Variants in GABBR2 observed in about 807,000 individuals in gnomAD.
GABBR2 encodes gamma-aminobutyric acid type B receptor subunit 2, also known as G-protein coupled receptor 51.
A neutral mutation model predicts 105.6 loss-of-function variants in GABBR2; 23 were observed. That is an observed-to-expected ratio of 0.22 (90% CI 0.16 to 0.31). The LOEUF is 0.31. Among genes scored for constraint, GABBR2 ranks in the 10% least tolerant of loss-of-function variants. The pLI is 1.00. For synonymous variants in GABBR2, 478 were observed against 499.7 expected, an observed-to-expected ratio of 0.96 and a Z score of 0.58; for missense variants, 734 against 1,245.5, an observed-to-expected ratio of 0.59 and a Z score of 6.18.
intron 1 of GABBR2, among the ~76,000 whole-genome samples, chr9:98,638,772 A>G (rs537481970): frequency 6.6e-6 from 1 of 152,266 alleles, no homozygotes. Context: ...AAAGGTAATC[A>G]CCCCAGCACC....
chr9:98,327,672 C>G (rs1327849336), intron 13 of GABBR2, among the ~76,000 whole-genome samples: 2 of 151,890 alleles, frequency 1.3e-5, no homozygotes, highest in Non-Finnish European at 2.9e-5. Context: ...AGTTTGAGAC[C>G]AGCCTGGTCA....
In GABBR2 at chr9:98,454,896, C is replaced by T. The variant is rs1416678035; in HGVS notation, c.1000-679G>A. Among the ~76,000 whole-genome samples the T allele has an allele frequency of 6.6e-6, 1 of 152,218 alleles. No individual in the cohort carries two copies. Among genetic ancestry groups the T allele is most frequent in the Non-Finnish European group, 1.5e-5 (1 of 68,048 alleles). On this transcript the variant is annotated intron_variant, in intron 6 of 18. Coordinates refer to ENST00000259455, the MANE Select transcript of GABBR2 (RefSeq NM_005458.8). The surrounding 1 kb of genome is among the most constrained non-coding windows in gnomAD (Gnocchi z 4.6). ...TACCCTCAAGAACTGGGGCAAGAGG[C>T]TCCCTAGACCCTGGAAGTGGCTCCA...
In GABBR2 at chr9:98,291,074, A is replaced by C. The variant is rs115100060; in HGVS notation, c.2661-325T>G. 1.2e-3 allele frequency among the ~76,000 whole-genome samples: 190 copies of C among 152,270 alleles called. 1 individual carries two copies. Among genetic ancestry groups the C allele is most frequent in the African/African-American group, 4.2e-3 (174 of 41,550 alleles). On this transcript the variant is annotated intron_variant, in intron 18 of 18. Coordinates refer to ENST00000259455, the MANE Select transcript of GABBR2 (RefSeq NM_005458.8). ...GCTCCTTGACTTACGATGGGGTTAC[A>C]TTCCCATAAACCCATTGTAAGTTGA...
chr9:98,404,656 AG>A (rs1229899118), intron 8 of GABBR2, among the ~76,000 whole-genome samples: 2 of 152,100 alleles, frequency 1.3e-5, no homozygotes, highest in African/African-American at 4.8e-5. Context: ...GTCTGCCTCA[AG>A]GAATGCCCAG....
intron 15 of GABBR2, among the ~76,000 whole-genome samples, chr9:98,305,789 C>T (rs1360811451): frequency 1.3e-5 from 2 of 150,960 alleles, no homozygotes; most frequent in African/African-American, 4.9e-5. Flanking sequence ...TGCACTCCAG[C>T]CTGGGTGGCA....
chr9:98,473,080 A>G (rs1826717048), intron 6 of GABBR2, 66 bp downstream of exon 6: 7 of 1,226,854 alleles, frequency 5.7e-6, no homozygotes, highest in Non-Finnish European at 7.2e-6. Flanking sequence ...CTTTTGGCCA[A>G]TGTCATCAGA....
chr9:98,696,457 G>A (rs1485881717), intron 1 of GABBR2, among the ~76,000 whole-genome samples: 2 of 152,170 alleles, frequency 1.3e-5, no homozygotes, highest in Admixed American at 6.5e-5. Flanking sequence ...CTGGGAGGCC[G>A]CTGGACTGGT....
rs1387011210 is a variant in GABBR2, at chr9:98,342,717, G to A, written c.1893+19998C>T. 5.3e-5 allele frequency among the ~76,000 whole-genome samples: 8 copies of A among 152,356 alleles called. No individual in the cohort carries two copies. In the South Asian group the frequency reaches 6.2e-4, roughly 12 times the overall value. On this transcript the variant is annotated intron_variant, in intron 13 of 18. Transcript: ENST00000259455. ...CTGTTCAGGGCTGATGGCTCCAGCA[G>A]TGAGGACCCATCACTTGGAGTGTGA...
At chr9:98,563,140 T>A (rs1828700398) in intron 2 of GABBR2, among the ~76,000 whole-genome samples, 1 of 151,020 alleles carries the variant, frequency 6.6e-6, no homozygotes, top group South Asian at 2.1e-4. Flanking sequence ...GTCTCCAACT[T>A]ACTGAAATAC....
chr9:98,484,631 C>G (rs983185392), intron 4 of GABBR2, among the ~76,000 whole-genome samples: 1 of 152,090 alleles, frequency 6.6e-6, no homozygotes, highest in Non-Finnish European at 1.5e-5. Flanking sequence ...TGAGGTGCTT[C>G]TCAAACTAGG....
At chr9:98,433,016 C>G (rs1302412381) in intron 7 of GABBR2, among the ~76,000 whole-genome samples, 1 of 152,172 alleles carries the variant, frequency 6.6e-6, no homozygotes, top group African/African-American at 2.4e-5. Context: ...TTTAGAAGCT[C>G]AGGATACTCT....
chr9:98,295,201 G>A (rs1037110858), intron 17 of GABBR2, among the ~76,000 whole-genome samples: 2 of 152,262 alleles, frequency 1.3e-5, no homozygotes, highest in African/African-American at 2.4e-5. Flanking sequence ...GTGGGAAAAT[G>A]TGAGTTGCAT....
intron 1 of GABBR2, among the ~76,000 whole-genome samples, chr9:98,679,601 C>T (rs1285169510): frequency 2.0e-5 from 3 of 152,206 alleles, no homozygotes; most frequent in African/African-American, 4.8e-5. Flanking sequence ...AAATCTGGCA[C>T]CTTGGCATTT....
At chr9:98,660,559 T>C (rs942549500) in intron 1 of GABBR2, among the ~76,000 whole-genome samples, 2 of 152,218 alleles carry the variant, frequency 1.3e-5, no homozygotes, top group Non-Finnish European at 2.9e-5. Context: ...TAGTTTCCTA[T>C]TGCTACTATA....
At chr9:98,317,908 C>T (rs926994548) in intron 13 of GABBR2, among the ~76,000 whole-genome samples, 12 of 152,060 alleles carry the variant, frequency 7.9e-5, no homozygotes, top group African/African-American at 2.9e-4. Context: ...TGGAGGGGTG[C>T]TAATGAGGGA....
At chr9:98,412,264 C>T (rs937863049) in intron 7 of GABBR2, among the ~76,000 whole-genome samples, 2 of 152,246 alleles carry the variant, frequency 1.3e-5, no homozygotes, top group Non-Finnish European at 2.9e-5. Context: ...ACTCGCTGGG[C>T]TCAGCCTAAT....
chr9:98,505,652 G>A (rs953563192), intron 3 of GABBR2, among the ~76,000 whole-genome samples: 1 of 152,186 alleles, frequency 6.6e-6, no homozygotes, highest in African/African-American at 2.4e-5. Context: ...CAATGTTAAG[G>A]ATTCTTATAA....
chr9:98,645,855 C>A (rs910116641), intron 1 of GABBR2, among the ~76,000 whole-genome samples: 2 of 152,192 alleles, frequency 1.3e-5, no homozygotes, highest in African/African-American at 4.8e-5. Context: ...AAGTGCTTTA[C>A]ATAGACTAAC....
chr9:98,436,517 C>G (rs1388188691), intron 7 of GABBR2, among the ~76,000 whole-genome samples: 1 of 148,100 alleles, frequency 6.8e-6, no homozygotes, highest in East Asian at 2.0e-4. Flanking sequence ...GTGAGGGGTC[C>G]CTGGTCATTA....
Sources: allele counts gnomAD v4.1 joint callset (sites outside exome capture counted in the v4.1 genomes callset), GRCh38; gene constraint gnomAD v4.1.1; non-coding constraint Gnocchi (gnomAD v3.1); transcripts MANE v1.5; gene names NCBI Gene and HGNC (gene_info 2026-07-23, HGNC 2026-07-21).